Variants in EDN1 observed in about 807,000 individuals in gnomAD.
EDN1 encodes the protein endothelin-1.
EDN1 carries 11 observed loss-of-function variants against 21.7 expected under a neutral mutation model. That is an observed-to-expected ratio of 0.51 (90% CI 0.32 to 0.84). EDN1 has a LOEUF of 0.84. Among genes scored for constraint, EDN1 ranks in the 40% least tolerant of loss-of-function variants. The pLI is 0.03. For missense variants in EDN1, 244 were observed against 262.3 expected (o/e 0.93, Z 0.48); for synonymous variants, 85 against 90.6 (o/e 0.94, Z 0.35).
chr6:12,243,634 A>C, the EDN1 span, among the ~76,000 whole-genome samples: 23 of 152,194 alleles, frequency 1.5e-4, no homozygotes, highest in African/African-American at 5.5e-4. Flanking sequence ...ATACATACAT[A>C]CATAAAATGA....
chr6:12,273,236 A>G, the EDN1 span, among the ~76,000 whole-genome samples: 1 of 152,250 alleles, frequency 6.6e-6, no homozygotes, highest in South Asian at 2.1e-4. Flanking sequence ...GCCAGCAAAG[A>G]GATGTGTGGA....
the EDN1 span, among the ~76,000 whole-genome samples, chr6:12,254,289 C>T: frequency 6.6e-6 from 1 of 152,166 alleles, no homozygotes; most frequent in African/African-American, 2.4e-5. Flanking sequence ...CTGCCTGGTA[C>T]CCGCTCTTCT....
At chr6:12,249,640 C>T in the EDN1 span, among the ~76,000 whole-genome samples, 1 of 151,498 alleles carries the variant, frequency 6.6e-6, no homozygotes, top group Non-Finnish European at 1.5e-5. Flanking sequence ...CAAACAAGTG[C>T]TATAGGATAT....
At chr6:12,290,349 G>A (rs922107917), upstream of EDN1, 3 of 494,916 alleles carry the variant, frequency 6.1e-6, no homozygotes, top group Admixed American at 3.3e-5. Flanking sequence ...CCGGCAGAGA[G>A]CTGTCCAAGT....
the EDN1 span, among the ~76,000 whole-genome samples, chr6:12,254,375 ACT>A: frequency 2.6e-5 from 4 of 151,558 alleles, no homozygotes; most frequent in Non-Finnish European, 4.4e-5. Context: ...CTCACTCTCC[ACT>A]CTGCCAAATC....
the EDN1 span, among the ~76,000 whole-genome samples, chr6:12,249,784 ATCATTTACT>A: frequency 6.6e-6 from 1 of 152,076 alleles, no homozygotes; most frequent in African/African-American, 2.4e-5. Context: ...TGGGTGTGTT[ATCATTTACT>A]TCATTGTGAT....
the EDN1 span, among the ~76,000 whole-genome samples, chr6:12,250,978 A>G: frequency 6.6e-6 from 1 of 152,214 alleles, no homozygotes; most frequent in Non-Finnish European, 1.5e-5. Context: ...AACTGATGCA[A>G]CACAGATGAT....
At chr6:12,285,012 T>C in the EDN1 span, among the ~76,000 whole-genome samples, 1 of 152,134 alleles carries the variant, frequency 6.6e-6, no homozygotes, top group African/African-American at 2.4e-5. Flanking sequence ...AGAATGAACA[T>C]TTAAAAGATG....
At chr6:12,293,846 G>A (rs1465583209) in intron 2 of EDN1, 95 bp from the exon 3 acceptor site, 1 of 1,410,366 alleles carries the variant, frequency 7.1e-7, no homozygotes, top group East Asian at 2.4e-5. Flanking sequence ...TATGTGATGA[G>A]CTCCTTGTGT....
the EDN1 span, among the ~76,000 whole-genome samples, chr6:12,279,652 G>T: frequency 6.6e-6 from 1 of 152,174 alleles, no homozygotes; most frequent in African/African-American, 2.4e-5. Context: ...AAGGACCTGT[G>T]CCTCCTTGCA....
At chr6:12,247,622 T>C in the EDN1 span, among the ~76,000 whole-genome samples, 1 of 140,296 alleles carries the variant, frequency 7.1e-6, no homozygotes, top group East Asian at 2.2e-4. Context: ...CACTGCAAAC[T>C]CTGTCTCCTG....
the EDN1 span, among the ~76,000 whole-genome samples, chr6:12,257,784 T>C: frequency 1.3e-5 from 2 of 152,196 alleles, no homozygotes; most frequent in African/African-American, 4.8e-5. Context: ...CGGTTTGTCA[T>C]GCTTATAAAA....
chr6:12,251,137 A>G, the EDN1 span, among the ~76,000 whole-genome samples: 2 of 152,228 alleles, frequency 1.3e-5, no homozygotes, highest in African/African-American at 4.8e-5. Context: ...CTCATTCATA[A>G]CTGAAAGGAT....
At chr6:12,262,178 T>C in the EDN1 span, among the ~76,000 whole-genome samples, 1 of 152,182 alleles carries the variant, frequency 6.6e-6, no homozygotes, top group East Asian at 1.9e-4. Flanking sequence ...GCTAAGTAAT[T>C]TGAATAAACG....
At chr6:12,269,573 T>A in the EDN1 span, among the ~76,000 whole-genome samples, 1 of 152,158 alleles carries the variant, frequency 6.6e-6, no homozygotes, top group African/African-American at 2.4e-5. Flanking sequence ...TCAATTGAAA[T>A]GATTATATGG....
Position 12,294,351 on chromosome 6 carries a change from A to C in EDN1, c.480A>C (p.Leu160Phe), listed in dbSNP as rs145546137. ...GGAAAAAGTGTATTTATCAGCAGTT[A>C]GTGAGAGGAAGAAAAATCAGAAGAA... ...KLGKKCIYQQ[L>F]VRGRKIRRSS... Residue 160 changes from leucine (L) to phenylalanine (F), a missense_variant, in exon 4 of 5, where the codon TTA (leucine) becomes TTC (phenylalanine). Coordinates refer to ENST00000379375, the MANE Select transcript of EDN1 (RefSeq NM_001955.5). 437 of 1,614,112 alleles carry C rather than the reference A, an allele frequency of 2.7e-4. 3 individuals carry two copies. The highest frequency in any genetic ancestry group is 4.9e-4 in the Middle Eastern group (3 of 6,084).
the EDN1 span, among the ~76,000 whole-genome samples, chr6:12,246,386 C>T: frequency 1.3e-5 from 2 of 152,288 alleles, no homozygotes; most frequent in African/African-American, 4.8e-5. Context: ...TTTGAGAAAA[C>T]TTGCCTGGGT....
At chr6:12,232,047 A>G in the EDN1 span, among the ~76,000 whole-genome samples, 46 of 149,440 alleles carry the variant, frequency 3.1e-4, no homozygotes, top group African/African-American at 1.1e-3. Flanking sequence ...CCAGTTCTTC[A>G]CATTTTTATA....
chr6:12,252,068 A>G, the EDN1 span, among the ~76,000 whole-genome samples: 302 of 152,280 alleles, frequency 2.0e-3, 2 homozygotes, highest in African/African-American at 7.0e-3. Context: ...ACTTTTGTAT[A>G]AATGTGTATG....
Sources: gnomAD v4.1 joint callset for allele counts (sites outside exome capture counted in the v4.1 genomes callset) on GRCh38, gnomAD v4.1.1 for gene constraint, MANE v1.5 for transcripts, NCBI Gene and HGNC (gene_info 2026-07-23, HGNC 2026-07-21) for gene names.